DNAJC5: variants seen among roughly 807,000 people sequenced by gnomAD.
DNAJC5 encodes dnaJ homolog subfamily C member 5.
DNAJC5 carries 1 observed loss-of-function variant against 23.2 expected under a neutral mutation model. That is an observed-to-expected ratio of 0.04 (90% CI 0.02 to 0.20). The LOEUF is 0.20. Among genes scored for constraint, DNAJC5 ranks in the 10% least tolerant of loss-of-function variants. The pLI, the probability that DNAJC5 is intolerant of heterozygous loss-of-function variation, is 1.00. For missense variants in DNAJC5, 180 were observed against 267.0 expected, an observed-to-expected ratio of 0.67 and a Z score of 2.27; for synonymous variants, 136 against 120.0, an observed-to-expected ratio of 1.13 and a Z score of -0.87.
At chr20:63,912,078 G>A (rs1381211101) in intron 1 of DNAJC5, among the ~76,000 whole-genome samples, 3 of 152,050 alleles carry the variant, frequency 2.0e-5, no homozygotes, top group African/African-American at 4.8e-5. Context: ...TGAGGTGGGC[G>A]GATCACTTGA....
intron 1 of DNAJC5, among the ~76,000 whole-genome samples, chr20:63,913,317 C>A (rs939147187): frequency 6.6e-6 from 1 of 152,162 alleles, no homozygotes; most frequent in African/African-American, 2.4e-5. Context: ...TCCCGCTTCT[C>A]CTCAGACGTC....
At chr20:63,897,797 G>T (rs1480455262) in intron 1 of DNAJC5, among the ~76,000 whole-genome samples, 1 of 152,154 alleles carries the variant, frequency 6.6e-6, no homozygotes, top group Non-Finnish European at 1.5e-5. Context: ...CAGCTGTGGT[G>T]CTGTGACAGA....
chr20:63,916,827 T>G (rs921981563), intron 1 of DNAJC5, among the ~76,000 whole-genome samples: 1 of 152,204 alleles, frequency 6.6e-6, no homozygotes, highest in African/African-American at 2.4e-5. Flanking sequence ...AAGAATTTAG[T>G]GATATCTTCC....
chr20:63,897,334 C>T (rs1001261092), intron 1 of DNAJC5, among the ~76,000 whole-genome samples: 26 of 152,256 alleles, frequency 1.7e-4, no homozygotes, highest in African/African-American at 6.3e-4. Flanking sequence ...GCGGAGGTTG[C>T]AGTGAGCCGA....
At position 63,910,946 on chromosome 20, in the gene DNAJC5, G is replaced by C. The variant is rs2053479348; in HGVS notation, c.-12+15623G>C. Among the ~76,000 whole-genome samples the C allele has an allele frequency of 1.3e-5, 2 of 152,172 alleles. 1 individual carries two copies. The highest frequency in any genetic ancestry group is 1.3e-4 in the Admixed American group (2 of 15,266). ...GGCCTCCCAAAGTACTGGGATTATA[G>C]GCCTGAGCCACCATGCCCGGCCTGT... On this transcript the variant is annotated intron_variant, in intron 1 of 4. Transcript: ENST00000360864.
At chr20:63,919,413 C>G (rs569808848) in intron 1 of DNAJC5, 109 of 490,888 alleles carry the variant, frequency 2.2e-4, no homozygotes, top group African/African-American at 2.1e-3. Context: ...TGCCCAGGGC[C>G]CAGGACAGCG....
chr20:63,922,354 T>G lies in DNAJC5; in HGVS notation c.-11-5981T>G, dbSNP rs376431263. Among the ~76,000 whole-genome samples the G allele has an allele frequency of 7.5e-4, 114 of 151,842 alleles. 3 individuals carry two copies. In the South Asian group the frequency reaches 0.023, roughly 31 times the overall value. ...GGCGCGCGCCTGTAATCCCAGCCAC[T>G]TGGCAGGCTGAGGCAGGAGAATCGC... On this transcript the variant is annotated intron_variant, in intron 1 of 4. Transcript: ENST00000360864.
intron 1 of DNAJC5, among the ~76,000 whole-genome samples, chr20:63,927,544 C>CA (rs202232813): frequency 0.06 from 8,963 of 149,592 alleles, 441 homozygotes; most frequent in Non-Finnish European, 0.079. Context: ...GTCCCCCCCC[C>CA]CAAAAAAGAA....
chr20:63,909,622 A>G (rs972592942), intron 1 of DNAJC5, among the ~76,000 whole-genome samples: 3 of 152,236 alleles, frequency 2.0e-5, no homozygotes, highest in African/African-American at 7.2e-5. Flanking sequence ...CAGAGGCTGC[A>G]GTGAGCCGAG....
At position 63,928,470 on chromosome 20, in the gene DNAJC5, GC is replaced by G. The variant is rs1163890077; in HGVS notation, c.107+23del. 1.2e-6 allele frequency: 2 copies of G among 1,600,286 alleles called. No homozygotes were observed. Among genetic ancestry groups the G allele is most frequent in the Admixed American group, 3.3e-5 (2 of 59,970 alleles). On this transcript the variant is annotated intron_variant, in intron 2 of 4. Coordinates refer to ENST00000360864, the MANE Select transcript of DNAJC5 (RefSeq NM_025219.3). The surrounding 1 kb of genome is among the most constrained non-coding windows in gnomAD (Gnocchi z 4.6). ...TCCTATCGGTAAGTGGACAAGTGTG[GC>G]CCCCACATCCCCCCAGGAAGACACA... is the stretch of plus-strand genomic sequence containing the variant.
chr20:63,917,143 A>G (rs1322931115), intron 1 of DNAJC5, among the ~76,000 whole-genome samples: 1 of 152,216 alleles, frequency 6.6e-6, no homozygotes, highest in East Asian at 1.9e-4. Flanking sequence ...GAAACTGGTA[A>G]ATGTCCATGA....
intron 1 of DNAJC5, among the ~76,000 whole-genome samples, chr20:63,913,737 C>T (rs1427046236): frequency 1.3e-5 from 2 of 152,202 alleles, no homozygotes; most frequent in African/African-American, 2.4e-5. Context: ...CCTACGACCA[C>T]GCCCAGCTAA....
intron 1 of DNAJC5, among the ~76,000 whole-genome samples, chr20:63,912,417 G>A (rs2053488169): frequency 6.6e-6 from 1 of 151,966 alleles, no homozygotes; most frequent in Non-Finnish European, 1.5e-5. Context: ...TGTATTTACA[G>A]AGTTAATTGG....
chr20:63,930,815 C>T lies in DNAJC5; in HGVS notation c.322-36C>T, dbSNP rs774722867. On this transcript the variant is annotated intron_variant, in intron 3 of 4. Coordinates refer to ENST00000360864, the MANE Select transcript of DNAJC5 (RefSeq NM_025219.3). ...CCTGCGCCTCCCTCTCCAGGGGCCT[C>T]GGAGGCCATGCAACACCACCTTCTT... 4.5e-5 allele frequency: 73 copies of T among 1,610,744 alleles called. 1 individual carries two copies. In the East Asian group the frequency reaches 1.4e-3, roughly 31 times the overall value.
At chr20:63,908,526 A>G (rs1252594080) in intron 1 of DNAJC5, among the ~76,000 whole-genome samples, 2 of 152,228 alleles carry the variant, frequency 1.3e-5, no homozygotes, top group Non-Finnish European at 2.9e-5. Context: ...TGGTCACGGA[A>G]TGAACAGGGC....
At chr20:63,930,568 C>T (rs1471193149) in intron 3 of DNAJC5, among the ~76,000 whole-genome samples, 1 of 152,188 alleles carries the variant, frequency 6.6e-6, no homozygotes, top group East Asian at 1.9e-4. Context: ...AGGATGGTCT[C>T]GATCTCCTGA....
chr20:63,897,689 GTAAT>G (rs775298241), intron 1 of DNAJC5, among the ~76,000 whole-genome samples: 1 of 152,192 alleles, frequency 6.6e-6, no homozygotes, highest in Non-Finnish European at 1.5e-5. Context: ...GTGACATTTG[GTAAT>G]TAAGTAGAGT....
chr20:63,901,142 T>G (rs928964395), intron 1 of DNAJC5, among the ~76,000 whole-genome samples: 7 of 152,214 alleles, frequency 4.6e-5, no homozygotes, highest in African/African-American at 1.7e-4. Context: ...TTTTTGTATT[T>G]TTAGTAGAGA....
At chr20:63,899,791 C>A (rs765574531) in intron 1 of DNAJC5, among the ~76,000 whole-genome samples, 1 of 151,608 alleles carries the variant, frequency 6.6e-6, no homozygotes, top group South Asian at 2.1e-4. Flanking sequence ...CGGTGTTAGC[C>A]AGGATGGTCT....
Sources: allele counts gnomAD v4.1 joint callset (sites outside exome capture counted in the v4.1 genomes callset), GRCh38; gene constraint gnomAD v4.1.1; non-coding constraint Gnocchi (gnomAD v3.1); transcripts MANE v1.5; gene names NCBI Gene and HGNC (gene_info 2026-07-23, HGNC 2026-07-21).